UBE2H: variants seen among roughly 807,000 people sequenced by gnomAD.
UBE2H encodes the protein ubiquitin conjugating enzyme E2 H.
In UBE2H, 3 loss-of-function variants were observed where a neutral mutation model predicts 29.0. The ratio of observed to expected loss-of-function variants is 0.10; its 90% CI spans 0.05 to 0.27. UBE2H has a LOEUF of 0.27. Among genes scored for constraint, UBE2H ranks in the 10% least tolerant of loss-of-function variants. The pLI, the probability that UBE2H is intolerant of heterozygous loss-of-function variation, is 1.00. For missense variants in UBE2H, 68 were observed against 228.2 expected, an observed-to-expected ratio of 0.30 and a Z score of 4.52; for synonymous variants, 69 against 82.9, an observed-to-expected ratio of 0.83 and a Z score of 0.91.
chr7:129,867,699 T>TAAA (rs59742626), intron 3 of UBE2H, among the ~76,000 whole-genome samples: 14 of 29,626 alleles, frequency 4.7e-4, no homozygotes, highest in East Asian at 2.2e-3. Flanking sequence ...TAGAGTATAA[T>TAAA]AAAAAAAAAA....
At chr7:129,926,969 T>A (rs1807282646) in intron 1 of UBE2H, among the ~76,000 whole-genome samples, 1 of 152,194 alleles carries the variant, frequency 6.6e-6, no homozygotes, top group South Asian at 2.1e-4. Context: ...AACCGCCTCA[T>A]ACCTCATGAG....
chr7:129,946,642 G>C (rs539893467), intron 1 of UBE2H, among the ~76,000 whole-genome samples: 195 of 152,238 alleles, frequency 1.3e-3, no homozygotes, highest in African/African-American at 4.4e-3. Flanking sequence ...CTCTCCAGGT[G>C]ATTATTTGTT....
At chr7:129,924,375 A>G (rs1366869798) in intron 1 of UBE2H, among the ~76,000 whole-genome samples, 1 of 152,180 alleles carries the variant, frequency 6.6e-6, no homozygotes, top group Non-Finnish European at 1.5e-5. Flanking sequence ...TCACTGCCAC[A>G]TTTTAAAATT....
chr7:129,906,002 C>A (rs1247540542), intron 1 of UBE2H, among the ~76,000 whole-genome samples: 1 of 151,850 alleles, frequency 6.6e-6, no homozygotes, highest in Admixed American at 6.6e-5. Context: ...CCATTTAGGA[C>A]ATGTTGAATC....
chr7:129,903,592 A>G (rs1036194511), intron 1 of UBE2H, among the ~76,000 whole-genome samples: 7 of 148,462 alleles, frequency 4.7e-5, no homozygotes, highest in East Asian at 2.0e-4. Context: ...GCAAGACGCC[A>G]TATCTACAAA....
chr7:129,939,396 T>C (rs74560264), intron 1 of UBE2H, among the ~76,000 whole-genome samples: 171 of 152,322 alleles, frequency 1.1e-3, no homozygotes, highest in African/African-American at 3.7e-3. Context: ...AAGAGTTATA[T>C]AGTTCCAAGC....
At chr7:129,937,333 CAAAAA>C (rs1485721676) in intron 1 of UBE2H, among the ~76,000 whole-genome samples, 1 of 149,810 alleles carries the variant, frequency 6.7e-6, no homozygotes, top group Non-Finnish European at 1.5e-5. Flanking sequence ...CATCTCAAAA[CAAAAA>C]AAAGAAAAAA....
At chr7:129,949,980 A>G (rs943980582) in intron 1 of UBE2H, among the ~76,000 whole-genome samples, 1 of 152,120 alleles carries the variant, frequency 6.6e-6, no homozygotes, top group Non-Finnish European at 1.5e-5. Context: ...CTCAACCCCC[A>G]GCCTTTTCAC....
intron 1 of UBE2H, among the ~76,000 whole-genome samples, chr7:129,905,747 G>T (rs1432059703): frequency 6.6e-6 from 1 of 152,168 alleles, no homozygotes; most frequent in African/African-American, 2.4e-5. Context: ...AGTTATCCTG[G>T]TATTGCTGAT....
chr7:129,881,008 C>T (rs772413503), intron 1 of UBE2H, 37 bp from the exon 2 acceptor site: 1 of 1,577,274 alleles, frequency 6.3e-7, no homozygotes. Context: ...ACAGGCTTTA[C>T]AGTATCTGGC....
At chr7:129,838,783 C>T (rs939286416) in intron 6 of UBE2H, among the ~76,000 whole-genome samples, 3 of 152,154 alleles carry the variant, frequency 2.0e-5, no homozygotes, top group Non-Finnish European at 4.4e-5. Context: ...GGACTACAGG[C>T]GCGTGCCACC....
In UBE2H at chr7:129,910,322, C is replaced by CT. The variant is rs894816022; in HGVS notation, c.54-29352dup. Among the ~76,000 whole-genome samples, 12 of 149,142 alleles carry CT rather than the reference C, an allele frequency of 8.0e-5. No individual in the cohort carries two copies. The South Asian group carries it at 1.1e-3, about 13-fold the overall frequency. On this transcript the variant is annotated intron_variant, in intron 1 of 6. Coordinates refer to ENST00000355621, the MANE Select transcript of UBE2H (RefSeq NM_003344.4). ...CCAGCCTGGACAACAGAGCAAGACT[C>CT]TATCTCAAAAAAAAAACAAAAACAA...
intron 1 of UBE2H, among the ~76,000 whole-genome samples, chr7:129,918,451 T>C (rs373891837): frequency 6.6e-6 from 1 of 151,894 alleles, no homozygotes; most frequent in East Asian, 1.9e-4. Flanking sequence ...CTCTGCCTCC[T>C]GGGTTCAAAT....
chr7:129,944,586 T>C (rs1294242657), intron 1 of UBE2H, among the ~76,000 whole-genome samples: 1 of 151,898 alleles, frequency 6.6e-6, no homozygotes, highest in Non-Finnish European at 1.5e-5. Flanking sequence ...AGACCTCATC[T>C]CTACAAAAAA....
Position 129,855,509 on chromosome 7 carries a change from C to G in UBE2H, c.298+2002G>C, listed in dbSNP as rs75638686. On this transcript the variant is annotated intron_variant, in intron 5 of 6. Coordinates refer to ENST00000355621, the MANE Select transcript of UBE2H (RefSeq NM_003344.4). ...TGTTGCCTCAACTATATGCCATCAT[C>G]TCCCCTAAAACTCTCTTGTTAAACA... is the stretch of plus-strand genomic sequence containing the variant. 4.4e-3 allele frequency among the ~76,000 whole-genome samples: 668 copies of G among 152,296 alleles called. 4 individuals carry two copies. The highest frequency in any genetic ancestry group is 0.014 in the African/African-American group (599 of 41,552).
At chr7:129,857,249 GCATGTACTCATGTGTGTGCA>G (rs1365490875) in intron 5 of UBE2H, 2 of 469,792 alleles carry the variant, frequency 4.3e-6, no homozygotes, top group Non-Finnish European at 3.8e-6. Flanking sequence ...ATGTGTGTGC[GCATGTACTCATGTGTGTGCA>G]CATGTATCAC....
intron 1 of UBE2H, among the ~76,000 whole-genome samples, chr7:129,925,013 A>G (rs1235766029): frequency 6.6e-6 from 1 of 152,100 alleles, no homozygotes; most frequent in African/African-American, 2.4e-5. Flanking sequence ...ATTTTATCAC[A>G]TAAGCCCAGT....
intron 1 of UBE2H, among the ~76,000 whole-genome samples, chr7:129,884,146 G>A (rs561712597): frequency 4.5e-4 from 68 of 151,844 alleles, no homozygotes; most frequent in African/African-American, 1.4e-3. Context: ...GGCCAGGCGC[G>A]GTGGCTCACA....
At chr7:129,883,344 C>A (rs573932418) in intron 1 of UBE2H, among the ~76,000 whole-genome samples, 1 of 152,190 alleles carries the variant, frequency 6.6e-6, no homozygotes. Flanking sequence ...TAAACCTGCA[C>A]ATATGCATAC....
Sources: allele counts gnomAD v4.1 joint callset (sites outside exome capture counted in the v4.1 genomes callset), GRCh38; gene constraint gnomAD v4.1.1; transcripts MANE v1.5; gene names NCBI Gene and HGNC (gene_info 2026-07-23, HGNC 2026-07-21).